SLC48A1: variants seen among roughly 807,000 people sequenced by gnomAD.
The protein encoded by SLC48A1 is heme transporter HRG1.
SLC48A1 carries 6 observed loss-of-function variants against 14.8 expected under a neutral mutation model. The ratio of observed to expected loss-of-function variants is 0.41; its 90% CI spans 0.22 to 0.80. The LOEUF (loss-of-function observed/expected upper bound fraction) is 0.80, where lower values mean the gene tolerates loss of function less well. SLC48A1 is among the 30% of genes least tolerant of loss of function. The pLI, the probability that SLC48A1 is intolerant of heterozygous loss-of-function variation, is 0.34. For synonymous variants in SLC48A1, 89 were observed against 90.0 expected (o/e 0.99, Z 0.06); for missense variants, 165 against 204.8 (o/e 0.81, Z 1.19).
chr12:47,756,720 C>T (rs1942075772), upstream of SLC48A1, among the ~76,000 whole-genome samples: 1 of 152,166 alleles, frequency 6.6e-6, no homozygotes, highest in Non-Finnish European at 1.5e-5. Flanking sequence ...CTTGTAATCC[C>T]AGTGCTTTGG....
chr12:47,779,030 G>T lies in SLC48A1; in HGVS notation c.139G>T (p.Val47Leu). 1 of 1,551,578 alleles carries T rather than the reference G, an allele frequency of 6.4e-7. No individual in the cohort carries two copies. Among genetic ancestry groups the T allele is most frequent in the Non-Finnish European group, 8.7e-7 (1 of 1,146,934 alleles). The change falls in exon 2 of 3, where the codon GTG (valine) becomes TTG (leucine). Residue 47 changes from valine to leucine, a missense_variant and splice_region_variant. Transcript: ENST00000442218. ...GTAAMGGLAG[V>L]LALWVLVTHV... is the part of the protein sequence containing the mutation. ...GCCCTGATGTGTCTCTCCTGCAGGG[G>T]TGCTGGCACTGTGGGTCCTGGTGAC...
chr12:47,778,848 G>A (rs933072302), intron 1 of SLC48A1, 180 bp from the exon 2 acceptor site: 83 of 558,242 alleles, frequency 1.5e-4, no homozygotes, highest in Non-Finnish European at 2.0e-4. Context: ...CTTACTAGCA[G>A]GCAGCTCAGT....
At chr12:47,774,055 C>T (rs910550632) in intron 1 of SLC48A1, among the ~76,000 whole-genome samples, 4 of 152,202 alleles carry the variant, frequency 2.6e-5, no homozygotes, top group Non-Finnish European at 4.4e-5. Context: ...CTCTTTCCAC[C>T]CATGTTGGTG....
chr12:47,770,291 C>T (rs768525177), upstream of SLC48A1, among the ~76,000 whole-genome samples: 21 of 152,372 alleles, frequency 1.4e-4, no homozygotes, highest in Non-Finnish European at 3.1e-4. Context: ...TCCCATACTC[C>T]TAATATGTCC....
chr12:47,781,020 C>G lies in SLC48A1; in HGVS notation c.*739C>G. ...GCCCTAGGCACTCTCTTCCCAAGGCCAGGTTGGGCACCTGGGGAGGTCAGT... is the reference window on the plus strand; with the variant it reads ...GCCCTAGGCACTCTCTTCCCAAGGCGAGGTTGGGCACCTGGGGAGGTCAGT... On this transcript the variant is annotated 3_prime_UTR_variant, in exon 3 of 3. Coordinates refer to ENST00000442218, the MANE Select transcript of SLC48A1 (RefSeq NM_017842.3). The G allele has an allele frequency of 2.2e-6, 1 of 452,596 alleles. No individual in the cohort carries two copies. Among genetic ancestry groups the G allele is most frequent in the South Asian group, 1.6e-5 (1 of 61,092 alleles). 28.0% of individuals were successfully genotyped at this position (452,596 alleles called of 1,614,324 possible).
At chr12:47,780,034 C>G in intron 2 of SLC48A1, 111 bp from the exon 3 acceptor site, 1 of 1,340,004 alleles carries the variant, frequency 7.5e-7, no homozygotes, top group Non-Finnish European at 1.0e-6. Flanking sequence ...GGTTCAGCTG[C>G]CAGGACGTTG....
chr12:47,776,674 G>A (rs1322306405), intron 1 of SLC48A1, among the ~76,000 whole-genome samples: 3 of 152,136 alleles, frequency 2.0e-5, no homozygotes, highest in Non-Finnish European at 4.4e-5. Flanking sequence ...AACCATGCCT[G>A]TTGTTAACAA....
chr12:47,778,745 A>AT, intron 1 of SLC48A1: 1 of 386,488 alleles, frequency 2.6e-6, no homozygotes, highest in Non-Finnish European at 4.6e-6. Context: ...TTAACATAAC[A>AT]TTTTTGTGAG....
At chr12:47,759,167 C>T in intron 1 of SLC48A1, 1 of 922,484 alleles carries the variant, frequency 1.1e-6, no homozygotes, top group Non-Finnish European at 1.3e-6. Context: ...GCTGCACTGG[C>T]CGCCACGTGG....
chr12:47,756,978 A>G (rs377218228), upstream of SLC48A1, among the ~76,000 whole-genome samples: 1 of 151,908 alleles, frequency 6.6e-6, no homozygotes, highest in East Asian at 1.9e-4. Flanking sequence ...AAAAAAAAAA[A>G]AAGAAAGAAA....
At chr12:47,758,006 G>C (rs199576694), upstream of SLC48A1, 6 of 1,574,664 alleles carry the variant, frequency 3.8e-6, no homozygotes, top group Admixed American at 7.3e-5. Flanking sequence ...GCTCCCACCC[G>C]CGGTGCTCCC....
chr12:47,778,413 C>T (rs989738530), intron 1 of SLC48A1: 1 of 152,480 alleles, frequency 6.6e-6, no homozygotes, highest in East Asian at 1.9e-4. Context: ...CCTGCAAAAC[C>T]AACTCAGGCA....
At chr12:47,755,344 C>T (rs1225095543), upstream of SLC48A1, among the ~76,000 whole-genome samples, 3 of 152,162 alleles carry the variant, frequency 2.0e-5, no homozygotes, top group African/African-American at 7.2e-5. Flanking sequence ...AAACCTCTTT[C>T]AATAATGTCT....
rs753314789 is a variant in SLC48A1, at chr12:47,782,748, T to C, written c.*2467T>C. The C allele has an allele frequency of 6.6e-6, 1 of 152,442 alleles. No homozygotes were observed. Among genetic ancestry groups the C allele is most frequent in the Non-Finnish European group, 1.5e-5 (1 of 68,066 alleles). The allele number at this position is 152,442 out of a possible 1,614,324, so 9.4% of individuals were successfully genotyped here. On this transcript the variant is annotated 3_prime_UTR_variant, in exon 3 of 3. Transcript: ENST00000442218. The stretch of plus-strand genomic sequence containing the variant: ...TTTAAAGCAAATAAAACATTTATTG[T>C]TCAGATTTTTTTCCATTTTCTTCCT...
intron 2 of SLC48A1, chr12:47,760,520 G>A: frequency 6.2e-6 from 3 of 486,696 alleles, no homozygotes; most frequent in Non-Finnish European, 8.0e-6. Flanking sequence ...GGTCACAAAG[G>A]GGTCCCCTAT....
At chr12:47,759,322 G>C (rs140014769) in intron 1 of SLC48A1, among the ~76,000 whole-genome samples, 48 of 152,346 alleles carry the variant, frequency 3.2e-4, no homozygotes, top group African/African-American at 1.2e-3. Flanking sequence ...GTCTCCAGCC[G>C]CCCGGGGGAG....
At chr12:47,778,856 A>C (rs1051559684) in intron 1 of SLC48A1, 172 bp from the exon 2 acceptor site, 2 of 631,764 alleles carry the variant, frequency 3.2e-6, no homozygotes, top group Admixed American at 3.6e-5. Context: ...CAGGCAGCTC[A>C]GTCTCTTACC....
intron 1 of SLC48A1, among the ~76,000 whole-genome samples, chr12:47,775,862 G>A (rs1425551517): frequency 1.3e-5 from 2 of 152,214 alleles, no homozygotes; most frequent in Admixed American, 6.5e-5. Flanking sequence ...TTTGGAGAAA[G>A]GCAGTGGCAG....
chr12:47,774,904 T>G (rs1942709504), intron 1 of SLC48A1, among the ~76,000 whole-genome samples: 1 of 152,206 alleles, frequency 6.6e-6, no homozygotes, highest in Non-Finnish European at 1.5e-5. Flanking sequence ...TCCCTGCCAC[T>G]TTTTTGTTTC....
Sources: allele counts gnomAD v4.1 joint callset (sites outside exome capture counted in the v4.1 genomes callset), GRCh38; gene constraint gnomAD v4.1.1; transcripts MANE v1.5; gene names NCBI Gene and HGNC (gene_info 2026-07-23, HGNC 2026-07-21).